Variants in ZC3H11A observed in about 807,000 individuals in gnomAD.
The protein encoded by ZC3H11A is zinc finger CCCH-type containing 11A, also known as zinc finger CCCH domain-containing protein 11A.
A neutral mutation model predicts 90.8 loss-of-function variants in ZC3H11A; 22 were observed. The ratio of observed to expected loss-of-function variants is 0.24; its 90% CI spans 0.17 to 0.35. ZC3H11A has a LOEUF of 0.35. ZC3H11A is among the 10% of genes least tolerant of loss of function. The pLI, the probability that ZC3H11A is intolerant of heterozygous loss-of-function variation, is 1.00. For synonymous variants in ZC3H11A, 294 were observed against 339.8 expected (o/e 0.87, Z 1.48); for missense variants, 701 against 964.9 (o/e 0.73, Z 3.62).
chr1:203,799,019 T>A, intron 1 of ZC3H11A: 1 of 1,536,164 alleles, frequency 6.5e-7, no homozygotes, highest in Non-Finnish European at 8.7e-7. Context: ...TTATTGTGAC[T>A]GTACACTGGG....
rs1681785817 is a variant in ZC3H11A at position 203,830,108 on chromosome 1, T to A, written c.620-15T>A. 1.3e-6 allele frequency: 2 copies of A among 1,577,062 alleles called. No homozygotes were observed. The highest frequency in any genetic ancestry group is 2.3e-5 in the South Asian group (2 of 87,880). ...AGGCTCCCGTTCCTCATAAAATTTC[T>A]ATTTGAATTTTCAGGTGAATGTTTG... On this transcript the variant is annotated splice_polypyrimidine_tract_variant and intron_variant, in intron 7 of 17. Transcript: ENST00000367210.
In ZC3H11A at chr1:203,853,703, T is replaced by A. The variant is rs1028046432; in HGVS notation, c.*1304T>A. 4 of 152,644 alleles carry A rather than the reference T, an allele frequency of 2.6e-5. No homozygotes were observed. Among genetic ancestry groups the A allele is most frequent in the African/African-American group, 9.6e-5 (4 of 41,454 alleles). The allele number at this position is 152,644 out of a possible 1,614,324, so 9.5% of individuals were successfully genotyped here. On this transcript the variant is annotated 3_prime_UTR_variant, in exon 18 of 18. Coordinates refer to ENST00000367210, the MANE Select transcript of ZC3H11A (RefSeq NM_001376342.1). ...TAAGCGGCTCATCAAGAGTTGAACT[T>A]CACGTAGCCTTGTTGGGAATATGGA...
At chr1:203,810,024 T>C (rs1673814138) in intron 2 of ZC3H11A, among the ~76,000 whole-genome samples, 2 of 152,204 alleles carry the variant, frequency 1.3e-5, no homozygotes, top group Non-Finnish European at 2.9e-5. Flanking sequence ...TTTTTTCCTT[T>C]TAAACTTAAG....
intron 2 of ZC3H11A, among the ~76,000 whole-genome samples, chr1:203,812,124 T>C (rs1674684480): frequency 6.6e-6 from 1 of 152,134 alleles, no homozygotes; most frequent in Non-Finnish European, 1.5e-5. Context: ...GCCTTAACTT[T>C]CATTTTAAAT....
chr1:203,831,611 A>G, intron 8 of ZC3H11A, 50 bp from the exon 9 acceptor site: 1 of 1,520,832 alleles, frequency 6.6e-7, no homozygotes, highest in Non-Finnish European at 9.0e-7. Context: ...GACTTGGGAT[A>G]GCATTATTTT....
chr1:203,843,421 A>G (rs1027574453), intron 12 of ZC3H11A, among the ~76,000 whole-genome samples: 1 of 152,180 alleles, frequency 6.6e-6, no homozygotes, highest in African/African-American at 2.4e-5. Flanking sequence ...ACTTTGGGAC[A>G]TATGCCTGCA....
chr1:203,804,657 TTTC>T (rs1671645748), intron 2 of ZC3H11A, among the ~76,000 whole-genome samples: 1 of 151,260 alleles, frequency 6.6e-6, no homozygotes, highest in South Asian at 2.1e-4. Flanking sequence ...TCTGGATTTT[TTTC>T]TTTTTTGCCT....
intron 3 of ZC3H11A, among the ~76,000 whole-genome samples, chr1:203,818,195 T>C (rs1677010814): frequency 1.3e-5 from 2 of 152,110 alleles, no homozygotes; most frequent in Admixed American, 1.3e-4. Flanking sequence ...ATATGTTAAT[T>C]ATATTTAAAT....
rs1468457299 is a variant in ZC3H11A at position 203,810,224 on chromosome 1, C to T, written c.-145-6702C>T. The stretch of plus-strand genomic sequence containing the variant: ...CTCCTGGTCTCAAGTGATCCTCTTG[C>T]CTTGGTCTCTCAAAGTGTTAGGATT... On this transcript the variant is annotated intron_variant, in intron 2 of 17. Transcript: ENST00000367210. Among the ~76,000 whole-genome samples the T allele has an allele frequency of 2.0e-5, 3 of 151,558 alleles. No homozygotes were observed. The East Asian group carries it at 5.8e-4, about 29-fold the overall frequency.
chr1:203,850,102 C>G, intron 15 of ZC3H11A, 76 bp downstream of exon 15: 1 of 1,337,084 alleles, frequency 7.5e-7, no homozygotes, highest in Non-Finnish European at 1.0e-6. Context: ...CCAGTAACTT[C>G]CTGGCAACAA....
chr1:203,832,699 T>C (rs1164595299), intron 9 of ZC3H11A, among the ~76,000 whole-genome samples: 1 of 152,162 alleles, frequency 6.6e-6, no homozygotes, highest in African/African-American at 2.4e-5. Flanking sequence ...TTAAGCCTAA[T>C]AAGGAATTAT....
chr1:203,834,505 C>T (rs1409281211), intron 10 of ZC3H11A, among the ~76,000 whole-genome samples: 2 of 152,136 alleles, frequency 1.3e-5, no homozygotes, highest in South Asian at 2.1e-4. Flanking sequence ...CTCCTGGGCT[C>T]AAGTGATCTG....
At chr1:203,833,389 A>G (rs1683101874) in intron 9 of ZC3H11A, among the ~76,000 whole-genome samples, 1 of 140,134 alleles carries the variant, frequency 7.1e-6, no homozygotes, top group Non-Finnish European at 1.5e-5. Context: ...AAAAAACACC[A>G]GGTGTGGTAG....
chr1:203,831,900 A>G (rs2103044772), intron 9 of ZC3H11A, 129 bp downstream of exon 9: 1 of 698,726 alleles, frequency 1.4e-6, no homozygotes, highest in East Asian at 2.7e-5. Flanking sequence ...GAGATAATCT[A>G]AAGATGAAAA....
At chr1:203,801,303 C>T (rs914058229) in intron 1 of ZC3H11A, 1 of 152,130 alleles carries the variant, frequency 6.6e-6, no homozygotes, top group South Asian at 2.1e-4. Flanking sequence ...TTTTTAAAAA[C>T]ATACTTAATG....
At chr1:203,821,660 C>T (rs1171767077) in intron 4 of ZC3H11A, among the ~76,000 whole-genome samples, 1 of 152,066 alleles carries the variant, frequency 6.6e-6, no homozygotes, top group South Asian at 2.1e-4. Context: ...TTGGGCTGCT[C>T]CTAGAGTGTC....
intron 12 of ZC3H11A, among the ~76,000 whole-genome samples, chr1:203,843,468 A>C (rs991620637): frequency 6.6e-6 from 1 of 152,130 alleles, no homozygotes; most frequent in Non-Finnish European, 1.5e-5. Context: ...GTTTTTGGCT[A>C]ACCTTCTGTG....
intron 2 of ZC3H11A, among the ~76,000 whole-genome samples, chr1:203,809,169 A>G (rs971985230): frequency 1.1e-5 from 1 of 94,966 alleles, no homozygotes. Context: ...TTTTCTTCTC[A>G]CTGTTTTTTT....
In ZC3H11A at chr1:203,802,528, A is replaced by G. The variant is rs568196606; in HGVS notation, c.-634A>G. 1.3e-5 allele frequency: 2 copies of G among 152,608 alleles called. No individual in the cohort carries two copies. The highest frequency in any genetic ancestry group is 6.5e-5 in the Admixed American group (1 of 15,276). The allele number at this position is 152,608 out of a possible 1,614,324, so 9.5% of individuals were successfully genotyped here. A position where few individuals can be genotyped will look rare whatever the true frequency, so the allele number is the denominator to read the frequency against. On this transcript the variant is annotated 5_prime_UTR_variant, in exon 2 of 18. Transcript: ENST00000367210. The stretch of plus-strand genomic sequence containing the variant: ...ATACAAGTATGCTTTTATTATACAG[A>G]TAATAAAGATGGGGGAAGGTTTCTG...
Sources: gnomAD v4.1 joint callset for allele counts (sites outside exome capture counted in the v4.1 genomes callset) on GRCh38, gnomAD v4.1.1 for gene constraint, MANE v1.5 for transcripts, NCBI Gene and HGNC (gene_info 2026-07-23, HGNC 2026-07-21) for gene names.